ARPP21: variants seen among roughly 807,000 people sequenced by gnomAD.
ARPP21 encodes cAMP regulated phosphoprotein 21, also known as cAMP-regulated phosphoprotein 21.
Under a neutral mutation model 113.2 loss-of-function variants are expected in ARPP21, and 69 were observed. That is an observed-to-expected ratio of 0.61 (90% CI 0.50 to 0.74). ARPP21 has a LOEUF of 0.74. Among genes scored for constraint, ARPP21 ranks in the 30% least tolerant of loss-of-function variants. ARPP21 has a pLI of 0.00. For missense variants in ARPP21, 1,070 were observed against 1,037.4 expected, an observed-to-expected ratio of 1.03 and a Z score of -0.43; for synonymous variants, 368 against 375.5, an observed-to-expected ratio of 0.98 and a Z score of 0.23.
At chr3:35,756,463 C>A (rs1344172332) in intron 19 of ARPP21, among the ~76,000 whole-genome samples, 1 of 151,994 alleles carries the variant, frequency 6.6e-6, no homozygotes, top group Non-Finnish European at 1.5e-5. Flanking sequence ...TGTCCAAAGC[C>A]ACGAAACCAC....
intron 19 of ARPP21, among the ~76,000 whole-genome samples, chr3:35,784,235 A>G (rs1559955829): frequency 6.6e-6 from 1 of 152,266 alleles, no homozygotes; most frequent in Non-Finnish European, 1.5e-5. Flanking sequence ...AACTGAAAAT[A>G]TGATTGCTTG....
chr3:35,673,056 G>A (rs970517032), intron 1 of ARPP21, among the ~76,000 whole-genome samples: 15 of 152,114 alleles, frequency 9.9e-5, no homozygotes, highest in African/African-American at 2.6e-4. Context: ...TCAATAAAAG[G>A]TAGTTGTTTC....
At position 35,649,949 on chromosome 3, in the gene ARPP21, A is replaced by G. The variant is rs548053164; in HGVS notation, c.-213+9551A>G. ...AGTTTGCTTTCTTAATTTGTTTCCA[A>G]CATTTTAAGAAATGCTAAGTGTAAT... is the stretch of plus-strand genomic sequence containing the variant. On this transcript the variant is annotated intron_variant, in intron 1 of 20. Transcript: ENST00000684406. Among the ~76,000 whole-genome samples, 34 of 152,272 alleles carry G rather than the reference A, an allele frequency of 2.2e-4. No individual in the cohort carries two copies. In the South Asian group the frequency reaches 7.0e-3, roughly 32 times the overall value.
chr3:35,665,355 T>C (rs1388168971), intron 1 of ARPP21, among the ~76,000 whole-genome samples: 1 of 152,098 alleles, frequency 6.6e-6, no homozygotes, highest in Admixed American at 6.6e-5. Flanking sequence ...AACAAGATCA[T>C]AAAACTCTCA....
At chr3:35,693,934 G>A (rs2083011457) in intron 9 of ARPP21, among the ~76,000 whole-genome samples, 1 of 151,588 alleles carries the variant, frequency 6.6e-6, no homozygotes, top group South Asian at 2.1e-4. Context: ...TATAGTCTGA[G>A]AGAAATGCAG....
chr3:35,689,747 TG>T, intron 7 of ARPP21, among the ~76,000 whole-genome samples: 1 of 151,812 alleles, frequency 6.6e-6, no homozygotes, highest in South Asian at 2.1e-4. Context: ...GCCTTCGTTT[TG>T]TTCCAGTTTC....
At chr3:35,648,729 G>A (rs981786636) in intron 1 of ARPP21, among the ~76,000 whole-genome samples, 1 of 152,164 alleles carries the variant, frequency 6.6e-6, no homozygotes, top group African/African-American at 2.4e-5. Flanking sequence ...GCCACAGATA[G>A]TATTCAACAC....
chr3:35,704,264 C>G (rs1321259742), intron 9 of ARPP21, among the ~76,000 whole-genome samples: 1 of 151,538 alleles, frequency 6.6e-6, no homozygotes, highest in South Asian at 2.1e-4. Context: ...TATTTTTGCT[C>G]TAAACAATAT....
At chr3:35,639,242 G>T (rs927261592), upstream of ARPP21, among the ~76,000 whole-genome samples, 2 of 152,078 alleles carry the variant, frequency 1.3e-5, no homozygotes, top group Non-Finnish European at 2.9e-5. The surrounding 1 kb of genome is among the most constrained non-coding windows in gnomAD (Gnocchi z 5.0). Context: ...GCGGGCGCCC[G>T]GCGCACCCAG....
chr3:35,658,975 T>C (rs933814193), intron 1 of ARPP21, among the ~76,000 whole-genome samples: 25 of 152,158 alleles, frequency 1.6e-4, no homozygotes, highest in African/African-American at 6.0e-4. Flanking sequence ...ATGCTCTATC[T>C]TCATCAGAGG....
intron 5 of ARPP21, chr3:35,685,840 G>A (rs1346948724): frequency 7.9e-6 from 6 of 763,582 alleles, no homozygotes; most frequent in South Asian, 6.0e-5. Context: ...TTTTATTATT[G>A]AGCATATCAA....
chr3:35,718,676 G>C (rs1185726915), intron 13 of ARPP21, among the ~76,000 whole-genome samples: 1 of 152,118 alleles, frequency 6.6e-6, no homozygotes, highest in Non-Finnish European at 1.5e-5. Context: ...AGCAATTCAA[G>C]ATGTAGATCA....
chr3:35,743,855 A>G lies in ARPP21; in HGVS notation c.2027A>G (p.Tyr676Cys), dbSNP rs779009575. 6.2e-7 allele frequency: 1 copy of G among 1,613,958 alleles called. No individual in the cohort carries two copies. The highest frequency in any genetic ancestry group is 1.1e-5 in the South Asian group (1 of 91,076). Reference protein sequence around the residue: ...PPPAQMPVYYYPSGQYPTSTT... With the variant: ...PPPAQMPVYYCPSGQYPTSTT... ...CTTCCACAGATGCCTGTATATTATT[A>G]CCCATCTGGTCAGTACCCTACCTCA... Residue 676 changes from tyrosine (Y) to cysteine (C), a missense_variant, in exon 19 of 21, where the codon TAC (tyrosine) becomes TGC (cysteine). Coordinates refer to ENST00000684406, the MANE Select transcript of ARPP21 (RefSeq NM_001385562.1).
rs1013591047 is a variant in ARPP21 at position 35,750,172 on chromosome 3, A to AT, written c.2137+6214dup. Among the ~76,000 whole-genome samples the AT allele has an allele frequency of 2.2e-4, 22 of 101,952 alleles. No homozygotes were observed. In the South Asian group the frequency reaches 6.3e-3, roughly 29 times the overall value. The allele number at this position is 101,952 out of a possible 152,430, so 66.9% of individuals were successfully genotyped here. ...TAAGAAGTTAGATTTTTAATTTGAG[A>AT]TTTTTTTCTCTTTTTTAATGTAAAT... On this transcript the variant is annotated intron_variant, in intron 19 of 20. Transcript: ENST00000684406.
intron 1 of ARPP21, among the ~76,000 whole-genome samples, chr3:35,651,400 A>G (rs1323584327): frequency 1.3e-5 from 2 of 152,058 alleles, no homozygotes; most frequent in African/African-American, 4.8e-5. Flanking sequence ...CCAGTTTATA[A>G]TTTCCATTAT....
intron 15 of ARPP21, among the ~76,000 whole-genome samples, chr3:35,736,004 G>T (rs1313254640): frequency 6.6e-6 from 1 of 152,008 alleles, no homozygotes; most frequent in Non-Finnish European, 1.5e-5. Context: ...TTACCCAGTT[G>T]TTCCATGTAC....
chr3:35,774,995 G>T (rs2096312917), intron 19 of ARPP21: 1 of 152,078 alleles, frequency 6.6e-6, no homozygotes, highest in African/African-American at 2.4e-5. Flanking sequence ...GAAGGTTTCT[G>T]GGAGTTTCTG....
At chr3:35,645,924 C>A (rs1449382416) in intron 1 of ARPP21, among the ~76,000 whole-genome samples, 1 of 151,840 alleles carries the variant, frequency 6.6e-6, no homozygotes, top group South Asian at 2.1e-4. Flanking sequence ...TGAGAAACAA[C>A]AAGTGAGGTA....
intron 5 of ARPP21, among the ~76,000 whole-genome samples, chr3:35,686,682 A>T (rs947589976): frequency 6.6e-6 from 1 of 151,604 alleles, no homozygotes; most frequent in East Asian, 1.9e-4. Context: ...TTTTTCCTAC[A>T]TCATAAATTT....
Sources: allele counts gnomAD v4.1 joint callset (sites outside exome capture counted in the v4.1 genomes callset), GRCh38; gene constraint gnomAD v4.1.1; non-coding constraint Gnocchi (gnomAD v3.1); transcripts MANE v1.5; gene names NCBI Gene and HGNC (gene_info 2026-07-23, HGNC 2026-07-21).